CDC7: variants seen among roughly 807,000 people sequenced by gnomAD.
The protein encoded by CDC7 is cell division cycle 7, also known as cell division cycle 7-related protein kinase.
Under a neutral mutation model 53.5 loss-of-function variants are expected in CDC7, and 34 were observed. The observed-to-expected ratio is 0.64, with a 90% CI of 0.48 to 0.85. The LOEUF (loss-of-function observed/expected upper bound fraction) is 0.85. Ranked by LOEUF, CDC7 falls within the 40% of genes least tolerant of loss-of-function variation. The pLI is 0.00. For missense variants in CDC7, 594 were observed against 679.7 expected, an observed-to-expected ratio of 0.87 and a Z score of 1.40; for synonymous variants, 211 against 222.8, an observed-to-expected ratio of 0.95 and a Z score of 0.47.
intron 11 of CDC7, among the ~76,000 whole-genome samples, chr1:91,523,105 T>C (rs1668056285): frequency 1.3e-5 from 2 of 152,210 alleles, no homozygotes; most frequent in Admixed American, 1.3e-4. Flanking sequence ...TAAAAACAGA[T>C]CTAGTTTGTT....
intron 10 of CDC7, among the ~76,000 whole-genome samples, chr1:91,517,005 C>A (rs984605346): frequency 6.6e-6 from 1 of 152,052 alleles, no homozygotes; most frequent in Non-Finnish European, 1.5e-5. Context: ...GCGGAAGTTG[C>A]AGTGAGCCAA....
intron 3 of CDC7, 71 bp downstream of exon 3, chr1:91,508,008 G>T: frequency 8.0e-7 from 1 of 1,246,924 alleles, no homozygotes; most frequent in African/African-American, 1.5e-5. Context: ...TTTTAGTCTT[G>T]GTTTTCATTA....
intron 4 of CDC7, among the ~76,000 whole-genome samples, chr1:91,509,762 A>C (rs1451891504): frequency 2.0e-5 from 3 of 152,156 alleles, no homozygotes; most frequent in Non-Finnish European, 4.4e-5. Flanking sequence ...CTTTGAAAAA[A>C]AAATTCAACC....
Position 91,511,579 on chromosome 1 carries a change from T to G in CDC7, c.336-18T>G, listed in dbSNP as rs764637291. ...TCTGACCTTTCTTCTAAAAGTTCCT[T>G]GTGCATTTTTCCACTAGGGGGCAAG... On this transcript the variant is annotated intron_variant, in intron 4 of 11. Transcript: ENST00000234626. 7.3e-5 allele frequency: 109 copies of G among 1,499,124 alleles called. No individual in the cohort carries two copies. Among genetic ancestry groups the G allele is most frequent in the Non-Finnish European group, 6.3e-5 (69 of 1,087,632 alleles). The allele number at this position is 1,499,124 out of a possible 1,614,324, so 92.9% of individuals were successfully genotyped here. A position where few individuals can be genotyped will look rare whatever the true frequency, so the allele number is the denominator to read the frequency against.
chr1:91,522,159 G>A (rs1200747312), intron 11 of CDC7, among the ~76,000 whole-genome samples: 2 of 152,042 alleles, frequency 1.3e-5, no homozygotes, highest in Admixed American at 6.6e-5. Flanking sequence ...GCAAGACTCT[G>A]TCTCAAAAAA....
chr1:91,509,408 A>G (rs13447495), intron 4 of CDC7, among the ~76,000 whole-genome samples: 23,868 of 149,634 alleles, frequency 0.16, 2,059 homozygotes, highest in East Asian at 0.24. Flanking sequence ...AAATGTTCTT[A>G]TCCACCCGTC....
At chr1:91,514,207 C>T (rs1027831683) in intron 8 of CDC7, among the ~76,000 whole-genome samples, 164 bp downstream of exon 8, 2 of 152,048 alleles carry the variant, frequency 1.3e-5, no homozygotes, top group African/African-American at 4.8e-5. Flanking sequence ...CTTGTTTTCT[C>T]CAGTTTTTTT....
At chr1:91,511,510 G>A in intron 4 of CDC7, 87 bp from the exon 5 acceptor site, 1 of 747,854 alleles carries the variant, frequency 1.3e-6, no homozygotes, top group South Asian at 1.7e-5. Context: ...TGTATGCATT[G>A]CTAAAATTGC....
intron 1 of CDC7, 109 bp downstream of exon 1, chr1:91,501,057 T>A (rs1666633660): frequency 6.6e-6 from 1 of 152,196 alleles, no homozygotes; most frequent in Non-Finnish European, 1.5e-5. Flanking sequence ...CCCGCCCCCC[T>A]TCGGATCCCT....
chr1:91,510,885 A>G (rs1259715722), intron 4 of CDC7, among the ~76,000 whole-genome samples: 1 of 152,064 alleles, frequency 6.6e-6, no homozygotes, highest in Non-Finnish European at 1.5e-5. Context: ...TCTTCCTTCA[A>G]AATTCCTTTC....
chr1:91,522,335 C>A (rs13447549), intron 11 of CDC7, among the ~76,000 whole-genome samples: 1 of 152,146 alleles, frequency 6.6e-6, no homozygotes, highest in Non-Finnish European at 1.5e-5. Context: ...AATGACTTGG[C>A]TGAGATTAGC....
chr1:91,517,387 A>G (rs1054581604), intron 10 of CDC7, among the ~76,000 whole-genome samples: 5 of 152,110 alleles, frequency 3.3e-5, no homozygotes, highest in Non-Finnish European at 5.9e-5. Context: ...GGATAATTGG[A>G]TGTAGAATTA....
In CDC7 at chr1:91,513,975, C is replaced by T. The variant is rs769620136; in HGVS notation, c.850C>T (p.Arg284Cys). 1.2e-5 allele frequency: 19 copies of T among 1,611,884 alleles called. No individual in the cohort carries two copies. The highest frequency in any genetic ancestry group is 3.3e-5 in the Admixed American group (2 of 59,952). The stretch of plus-strand genomic sequence containing the variant: ...GGGATCTGTAGGCCTTTCTGTCCAG[C>T]GCTCTGTTTTTGGAGAAAGAAATTT... ...KEGSVGLSVQ[R>C]SVFGERNFNI... Residue 284 changes from arginine to cysteine, a missense_variant, in exon 8 of 12, where the codon CGC becomes TGC. Coordinates refer to ENST00000234626, the MANE Select transcript of CDC7 (RefSeq NM_003503.4).
chr1:91,512,955 C>A, intron 6 of CDC7, 103 bp from the exon 7 acceptor site: 1 of 963,868 alleles, frequency 1.0e-6, no homozygotes, highest in Non-Finnish European at 1.5e-6. Flanking sequence ...CTAATTGATC[C>A]CAAAAAGAAT....
At chr1:91,501,185 C>T (rs989311228) in intron 1 of CDC7, 1 of 152,462 alleles carries the variant, frequency 6.6e-6, no homozygotes, top group African/African-American at 2.4e-5. Context: ...GGCGGATTCC[C>T]ATTCATTCAC....
chr1:91,517,720 G>A (rs1054652993), intron 10 of CDC7, among the ~76,000 whole-genome samples: 2 of 152,088 alleles, frequency 1.3e-5, no homozygotes, highest in Non-Finnish European at 2.9e-5. Context: ...AGAGGGAGAA[G>A]TTAAAACTCT....
At chr1:91,509,972 A>T (rs1033289672) in intron 4 of CDC7, among the ~76,000 whole-genome samples, 5 of 152,190 alleles carry the variant, frequency 3.3e-5, no homozygotes, top group African/African-American at 4.8e-5. Context: ...TCATGCTTGT[A>T]ATCCCAGCAC....
intron 8 of CDC7, 73 bp downstream of exon 8, chr1:91,514,116 T>G (rs1453873597): frequency 1.1e-6 from 1 of 906,510 alleles, no homozygotes; most frequent in Non-Finnish European, 1.7e-6. Flanking sequence ...ATAACTAGAT[T>G]AACATTTATT....
chr1:91,507,964 T>G, intron 3 of CDC7, 27 bp downstream of exon 3: 1 of 1,527,846 alleles, frequency 6.5e-7, no homozygotes, highest in Non-Finnish European at 8.8e-7. Flanking sequence ...CTTTTACTAT[T>G]TTTACGAGGT....
Sources: allele counts gnomAD v4.1 joint callset (sites outside exome capture counted in the v4.1 genomes callset), GRCh38; gene constraint gnomAD v4.1.1; transcripts MANE v1.5; gene names NCBI Gene and HGNC (gene_info 2026-07-23, HGNC 2026-07-21).